GRB2: variants seen among roughly 807,000 people sequenced by gnomAD.
The protein encoded by GRB2 is growth factor receptor-bound protein 2.
In GRB2, 2 loss-of-function variants were observed where a neutral mutation model predicts 27.4. The ratio of observed to expected loss-of-function variants is 0.07; its 90% CI spans 0.03 to 0.23. The LOEUF is 0.23. GRB2 is among the 10% of genes least tolerant of loss of function. The pLI is 1.00. For missense variants in GRB2, 102 were observed against 282.4 expected (o/e 0.36, Z 4.58); for synonymous variants, 94 against 99.6 (o/e 0.94, Z 0.33).
rs922046790 is a variant in GRB2, at chr17:75,405,654, G to A, written c.-303C>T. 1.3e-4 allele frequency: 21 copies of A among 161,696 alleles called. No individual in the cohort carries two copies. Among genetic ancestry groups the A allele is most frequent in the Admixed American group, 5.8e-4 (9 of 15,402 alleles). The allele number at this position is 161,696 out of a possible 1,614,324, so 10.0% of individuals were successfully genotyped here. Reference sequence around the variant, plus strand: ...CCGCCGCCGCTGCCGCCGCCCGGTCGCCGAAGCAGCAATACCTCCTGGCTT... The same window carrying A: ...CCGCCGCCGCTGCCGCCGCCCGGTCACCGAAGCAGCAATACCTCCTGGCTT... On this transcript the variant is annotated 5_prime_UTR_variant, in exon 1 of 6. Transcript: ENST00000316804.
chr17:75,401,016 G>A (rs1314164703), intron 1 of GRB2, among the ~76,000 whole-genome samples: 1 of 150,860 alleles, frequency 6.6e-6, no homozygotes, highest in African/African-American at 2.4e-5. Flanking sequence ...AGGCTAGAGT[G>A]CAGTGGTATG....
At chr17:75,380,958 G>A (rs145385141) in intron 2 of GRB2, among the ~76,000 whole-genome samples, 133 of 152,266 alleles carry the variant, frequency 8.7e-4, no homozygotes, top group Middle Eastern at 3.4e-3. Flanking sequence ...ATGTATTCTG[G>A]TTAGGGATTA....
chr17:75,318,827 TCTCA>T lies in GRB2; in HGVS notation c.*1537_*1540del, dbSNP rs1293129359. 3 of 152,224 alleles carry T rather than the reference TCTCA, an allele frequency of 2.0e-5. No homozygotes were observed. Among genetic ancestry groups the T allele is most frequent in the East Asian group, 1.9e-4 (1 of 5,166 alleles). 9.4% of individuals were successfully genotyped at this position (152,224 alleles called of 1,614,324 possible). ...AGCAAGACAAGTGAAAAGTGAGTAC[TCTCA>T]CTGTGTACCCCAGCATAGGAATAGT... On this transcript the variant is annotated 3_prime_UTR_variant, in exon 6 of 6. Transcript: ENST00000316804.
intron 4 of GRB2, among the ~76,000 whole-genome samples, chr17:75,324,198 A>AGTTT (rs71159485): frequency 0.58 from 88,083 of 150,602 alleles, 30,852 homozygotes; most frequent in East Asian, 0.86. Flanking sequence ...TAAGATATTC[A>AGTTT]GTTTGTTTGT....
chr17:75,405,624 AGCCGCCGCCGCC>A lies in GRB2; in HGVS notation c.-285_-274del, dbSNP rs997553253. 6.2e-6 allele frequency: 1 copy of A among 162,218 alleles called. No individual in the cohort carries two copies. The highest frequency in any genetic ancestry group is 2.4e-5 in the African/African-American group (1 of 41,528). 10.0% of individuals were successfully genotyped at this position (162,218 alleles called of 1,614,324 possible). A position where few individuals can be genotyped will look rare whatever the true frequency, so the allele number is the denominator to read the frequency against. On this transcript the variant is annotated 5_prime_UTR_variant, in exon 1 of 6. Transcript: ENST00000316804. ...CCGCCACAGGCACAGACTCTGCCAC[AGCCGCCGCCGCC>A]GCTGCCGCCGCCCGGTCGCCGAAGC... is the stretch of plus-strand genomic sequence containing the variant.
intron 2 of GRB2, among the ~76,000 whole-genome samples, chr17:75,341,126 T>C (rs1187443330): frequency 6.6e-6 from 1 of 152,084 alleles, no homozygotes; most frequent in Admixed American, 6.6e-5. Flanking sequence ...ATGAAATGCA[T>C]TTATGAAGTT....
intron 2 of GRB2, among the ~76,000 whole-genome samples, chr17:75,388,869 G>C (rs2078981444): frequency 6.6e-6 from 1 of 152,118 alleles, no homozygotes; most frequent in African/African-American, 2.4e-5. Flanking sequence ...TCTCCATTGA[G>C]GATCATAATC....
At chr17:75,373,753 G>A (rs886816150) in intron 2 of GRB2, 5 of 150,264 alleles carry the variant, frequency 3.3e-5, no homozygotes, top group Admixed American at 2.7e-4. Flanking sequence ...CCTTTGCTTA[G>A]GAGATACTCA....
At chr17:75,345,610 G>A (rs1027813717) in intron 2 of GRB2, among the ~76,000 whole-genome samples, 6 of 152,252 alleles carry the variant, frequency 3.9e-5, no homozygotes, top group Non-Finnish European at 5.9e-5. Context: ...TACTTCTGAA[G>A]CAGTTAATCT....
chr17:75,378,134 C>T (rs1304163402), intron 2 of GRB2, among the ~76,000 whole-genome samples: 1 of 152,068 alleles, frequency 6.6e-6, no homozygotes, highest in Admixed American at 6.6e-5. Flanking sequence ...GCCTGTAATT[C>T]CAGCACTTTG....
intron 2 of GRB2, among the ~76,000 whole-genome samples, chr17:75,391,660 T>A (rs1308899110): frequency 6.6e-6 from 1 of 152,002 alleles, no homozygotes; most frequent in Non-Finnish European, 1.5e-5. Context: ...TTCAAAAAAT[T>A]AGCCGGGCGT....
chr17:75,334,109 G>C (rs1008252554), intron 2 of GRB2, among the ~76,000 whole-genome samples: 3 of 152,164 alleles, frequency 2.0e-5, no homozygotes, highest in Non-Finnish European at 4.4e-5. Flanking sequence ...CAGGACTCTA[G>C]ATATGCTATG....
At chr17:75,327,331 G>A (rs1241114356) in intron 3 of GRB2, among the ~76,000 whole-genome samples, 1 of 151,438 alleles carries the variant, frequency 6.6e-6, no homozygotes, top group Non-Finnish European at 1.5e-5. Flanking sequence ...CGCCTGCCTT[G>A]GCCTCCCAAA....
intron 1 of GRB2, chr17:75,394,691 G>A (rs2079019358): frequency 1.3e-5 from 2 of 152,236 alleles, no homozygotes; most frequent in South Asian, 4.1e-4. Context: ...TATCTTGTTT[G>A]GGAAAGAAAG....
chr17:75,356,566 T>C (rs1427070358), intron 2 of GRB2, among the ~76,000 whole-genome samples: 2 of 152,324 alleles, frequency 1.3e-5, no homozygotes, highest in East Asian at 3.9e-4. Context: ...ACCTTTGAGA[T>C]AAAGAACACA....
At chr17:75,377,288 T>C (rs2078900255) in intron 2 of GRB2, among the ~76,000 whole-genome samples, 1 of 152,072 alleles carries the variant, frequency 6.6e-6, no homozygotes, top group Non-Finnish European at 1.5e-5. Context: ...GCCACCGTAC[T>C]CCAGCCTGGG....
Position 75,345,397 on chromosome 17 carries a change from A to G in GRB2, c.79-12600T>C, listed in dbSNP as rs188392279. ...AAGACTATGATTCAAGGGGTCAATG[A>G]AAGGACTGATCGATTTTCAGTCGTT... On this transcript the variant is annotated intron_variant, in intron 2 of 5. Transcript: ENST00000316804. 1.3e-3 allele frequency among the ~76,000 whole-genome samples: 195 copies of G among 152,218 alleles called. 1 individual carries two copies. Among genetic ancestry groups the G allele is most frequent in the Non-Finnish European group, 7.2e-4 (49 of 68,010 alleles).
chr17:75,378,636 G>A (rs145241348), intron 2 of GRB2, among the ~76,000 whole-genome samples: 136 of 152,316 alleles, frequency 8.9e-4, no homozygotes, highest in Middle Eastern at 3.4e-3. Flanking sequence ...TCAGGTGGGT[G>A]TAGTTCTAGT....
At chr17:75,404,780 C>A (rs1779439525) in intron 1 of GRB2, 1 of 152,142 alleles carries the variant, frequency 6.6e-6, no homozygotes, top group Non-Finnish European at 1.5e-5. Flanking sequence ...TGCACTTTCA[C>A]AGCGTTTGAA....
Sources: gnomAD v4.1 joint callset for allele counts (sites outside exome capture counted in the v4.1 genomes callset) on GRCh38, gnomAD v4.1.1 for gene constraint, MANE v1.5 for transcripts, NCBI Gene and HGNC (gene_info 2026-07-23, HGNC 2026-07-21) for gene names.